The following KCNN2 variants were observed in gnomAD, a reference collection of about 807,000 sequenced individuals.
KCNN2 encodes the protein potassium calcium-activated channel subfamily N member 2.
Under a neutral mutation model 55.5 loss-of-function variants are expected in KCNN2, and 24 were observed. That is an observed-to-expected ratio of 0.43 (90% CI 0.31 to 0.61). The LOEUF is 0.61. KCNN2 is among the 20% of genes least tolerant of loss of function. KCNN2 has a pLI of 0.08. For synonymous variants in KCNN2, 431 were observed against 336.1 expected (o/e 1.28, Z -3.09); for missense variants, 754 against 853.6 (o/e 0.88, Z 1.45).
chr5:114,426,168 A>G (rs962476168), intron 3 of KCNN2, among the ~76,000 whole-genome samples: 2 of 152,156 alleles, frequency 1.3e-5, no homozygotes, highest in African/African-American at 4.8e-5. Flanking sequence ...CTCAAAAAAA[A>G]AATGTGAAAA....
intron 4 of KCNN2, among the ~76,000 whole-genome samples, chr5:114,472,608 G>A (rs1761798888): frequency 6.6e-6 from 1 of 152,078 alleles, no homozygotes; most frequent in African/African-American, 2.4e-5. Context: ...CATTGCAGTT[G>A]ATCACCTTGA....
At chr5:114,356,699 CA>C (rs1757299245) in intron 2 of KCNN2, among the ~76,000 whole-genome samples, 1 of 152,006 alleles carries the variant, frequency 6.6e-6, no homozygotes. Context: ...AGACCATCAC[CA>C]ATATGCTCAT....
chr5:114,109,728 C>G (rs1011014184), intron 1 of KCNN2, among the ~76,000 whole-genome samples: 1 of 152,050 alleles, frequency 6.6e-6, no homozygotes, highest in Admixed American at 6.6e-5. Context: ...TCCTTAATGT[C>G]TCAACAGAAA....
At chr5:114,288,655 A>G (rs1010621613) in intron 2 of KCNN2, among the ~76,000 whole-genome samples, 2 of 152,062 alleles carry the variant, frequency 1.3e-5, no homozygotes, top group Admixed American at 6.6e-5. Context: ...CTTGTTGTCA[A>G]TCGTATATTT....
intron 3 of KCNN2, chr5:114,433,505 A>G (rs994452515): frequency 1.3e-5 from 2 of 152,328 alleles, no homozygotes; most frequent in Non-Finnish European, 2.9e-5. Context: ...TACTGGAGCC[A>G]GCAGTGGCAA....
chr5:114,461,973 G>T (rs955236255), intron 3 of KCNN2, among the ~76,000 whole-genome samples: 1 of 152,194 alleles, frequency 6.6e-6, no homozygotes, highest in East Asian at 1.9e-4. Flanking sequence ...AGTGGTATCT[G>T]AGAGATGGGA....
chr5:114,472,910 A>T, intron 4 of KCNN2, 144 bp from the exon 5 acceptor site: 1 of 491,390 alleles, frequency 2.0e-6, no homozygotes, highest in Non-Finnish European at 3.6e-6. Flanking sequence ...ACATGTGTTG[A>T]TCACACATTT....
intron 3 of KCNN2, among the ~76,000 whole-genome samples, chr5:114,415,936 TAC>T (rs1413129037): frequency 6.6e-6 from 1 of 152,116 alleles, no homozygotes; most frequent in Non-Finnish European, 1.5e-5. Flanking sequence ...AAAAGCCAGC[TAC>T]ACACACACAG....
At chr5:114,328,288 C>T (rs1580724900) in intron 2 of KCNN2, among the ~76,000 whole-genome samples, 1 of 152,042 alleles carries the variant, frequency 6.6e-6, no homozygotes, top group Non-Finnish European at 1.5e-5. Context: ...AGGTGGGTTC[C>T]TTAATGGATC....
intron 6 of KCNN2, among the ~76,000 whole-genome samples, chr5:114,490,293 G>T (rs1747784555): frequency 6.6e-6 from 1 of 152,116 alleles, no homozygotes; most frequent in African/African-American, 2.4e-5. Context: ...TGGAAAAGAT[G>T]TACCCCCCCA....
intron 1 of KCNN2, among the ~76,000 whole-genome samples, chr5:114,146,688 T>C (rs563188156): frequency 9.2e-5 from 14 of 152,146 alleles, no homozygotes; most frequent in African/African-American, 3.4e-4. Context: ...ACACTGATAT[T>C]GAGAACAGTA....
intron 1 of KCNN2, among the ~76,000 whole-genome samples, chr5:114,079,157 A>C (rs1580491597): frequency 6.6e-6 from 1 of 152,292 alleles, no homozygotes; most frequent in Non-Finnish European, 1.5e-5. Flanking sequence ...AATCAAGGAA[A>C]TTTTCTATTA....
intron 2 of KCNN2, among the ~76,000 whole-genome samples, chr5:114,372,413 TTA>T (rs1757788938): frequency 6.6e-6 from 1 of 152,190 alleles, no homozygotes; most frequent in Non-Finnish European, 1.5e-5. Context: ...TACAAGAATT[TTA>T]TGAGGACTTA....
At chr5:114,460,961 G>GGTAAT (rs993391407) in intron 3 of KCNN2, among the ~76,000 whole-genome samples, 1 of 152,100 alleles carries the variant, frequency 6.6e-6, no homozygotes, top group Non-Finnish European at 1.5e-5. Context: ...CTTACGATAG[G>GGTAAT]GTAATGTATT....
intron 4 of KCNN2, among the ~76,000 whole-genome samples, chr5:114,468,293 T>A (rs576117975): frequency 6.6e-6 from 1 of 152,116 alleles, no homozygotes; most frequent in South Asian, 2.1e-4. Context: ...ATTGATTGTT[T>A]CACATGTTTT....
chr5:114,172,406 C>T (rs1220450383), intron 1 of KCNN2, among the ~76,000 whole-genome samples: 2 of 151,636 alleles, frequency 1.3e-5, no homozygotes, highest in African/African-American at 4.8e-5. Context: ...TCATCCCTCA[C>T]CAACTTACCA....
chr5:114,478,008 C>G (rs895895847), intron 5 of KCNN2, among the ~76,000 whole-genome samples: 32 of 152,168 alleles, frequency 2.1e-4, no homozygotes, highest in African/African-American at 7.7e-4. Context: ...GGGGTTAACA[C>G]ATTAAAATGA....
At chr5:114,128,012 A>C (rs113127833) in intron 1 of KCNN2, among the ~76,000 whole-genome samples, 2,207 of 152,242 alleles carry the variant, frequency 0.014, 65 homozygotes, top group African/African-American at 0.05. Flanking sequence ...AAAGCCACTC[A>C]ACAAATCTCT....
intron 2 of KCNN2, among the ~76,000 whole-genome samples, chr5:114,396,340 T>G (rs1374896577): frequency 1.3e-5 from 2 of 152,182 alleles, no homozygotes; most frequent in Non-Finnish European, 2.9e-5. Context: ...ACCGGAAACA[T>G]TACATAGGTG....
Sources: allele counts gnomAD v4.1 joint callset (sites outside exome capture counted in the v4.1 genomes callset), GRCh38; gene constraint gnomAD v4.1.1; transcripts MANE v1.5; gene names NCBI Gene and HGNC (gene_info 2026-07-23, HGNC 2026-07-21).